Variants in LRRTM4 observed in about 807,000 individuals in gnomAD.
The protein encoded by LRRTM4 is leucine rich repeat transmembrane neuronal 4.
In LRRTM4, 25 loss-of-function variants were observed where a neutral mutation model predicts 47.6. The observed-to-expected ratio is 0.53, with a 90% CI of 0.38 to 0.73. LRRTM4 has a LOEUF of 0.73. LRRTM4 is among the 30% of genes least tolerant of loss of function. LRRTM4 has a pLI of 0.00. For synonymous variants in LRRTM4, 311 were observed against 269.5 expected (o/e 1.15, Z -1.51); for missense variants, 638 against 713.4 (o/e 0.89, Z 1.20).
At chr2:77,470,145 C>A (rs1434135013) in intron 3 of LRRTM4, among the ~76,000 whole-genome samples, 1 of 152,100 alleles carries the variant, frequency 6.6e-6, no homozygotes, top group African/African-American at 2.4e-5. Context: ...GTAGGGAAAA[C>A]CACTTCAAAA....
At chr2:76,781,910 C>G (rs1343522368) in intron 3 of LRRTM4, among the ~76,000 whole-genome samples, 2 of 152,116 alleles carry the variant, frequency 1.3e-5, no homozygotes, top group African/African-American at 4.8e-5. Context: ...CATCTGCTGC[C>G]TCTTGATCAT....
chr2:76,854,917 C>T (rs1160475232), intron 3 of LRRTM4, among the ~76,000 whole-genome samples: 1 of 148,758 alleles, frequency 6.7e-6, no homozygotes, highest in Non-Finnish European at 1.5e-5. Context: ...AGTTGATAGC[C>T]TCATTAAAAA....
At chr2:77,424,503 C>A (rs1410809952) in intron 3 of LRRTM4, among the ~76,000 whole-genome samples, 1 of 152,112 alleles carries the variant, frequency 6.6e-6, no homozygotes, top group Non-Finnish European at 1.5e-5. Flanking sequence ...CATGAAGTAT[C>A]ATCATTCTGC....
chr2:76,866,541 G>A (rs550674329), intron 3 of LRRTM4, among the ~76,000 whole-genome samples: 1 of 151,546 alleles, frequency 6.6e-6, no homozygotes, highest in Non-Finnish European at 1.5e-5. Context: ...CCTTACAAAA[G>A]GTAAAACTTT....
intron 3 of LRRTM4, among the ~76,000 whole-genome samples, chr2:77,225,479 A>C (rs878893105): frequency 6.6e-6 from 1 of 151,884 alleles, no homozygotes; most frequent in Non-Finnish European, 1.5e-5. Context: ...CCAGCACTCA[A>C]AATGTGTACA....
At chr2:77,294,276 ACT>A (rs1676909824) in intron 3 of LRRTM4, among the ~76,000 whole-genome samples, 1 of 145,634 alleles carries the variant, frequency 6.9e-6, no homozygotes, top group Admixed American at 6.7e-5. Context: ...GAGGAAAATG[ACT>A]CTGGAACATT....
intron 3 of LRRTM4, among the ~76,000 whole-genome samples, chr2:77,312,439 G>C (rs753089043): frequency 6.6e-6 from 1 of 151,980 alleles, no homozygotes. Flanking sequence ...AGATCAGTAG[G>C]CTTGGCTTCA....
chr2:77,207,943 A>G (rs1248493836), intron 3 of LRRTM4, among the ~76,000 whole-genome samples: 1 of 116,612 alleles, frequency 8.6e-6, no homozygotes, highest in Admixed American at 1.3e-4. Context: ...CAATGCTGTT[A>G]TCTTGGCTCC....
intron 3 of LRRTM4, among the ~76,000 whole-genome samples, chr2:76,773,806 A>AT (rs541171793): frequency 0.05 from 7,369 of 147,524 alleles, 240 homozygotes; most frequent in Non-Finnish European, 0.077. Context: ...AGTTTTTGGC[A>AT]TTTTTTTTTT....
intron 3 of LRRTM4, among the ~76,000 whole-genome samples, chr2:76,987,223 T>C (rs1299227347): frequency 1.3e-5 from 2 of 151,934 alleles, no homozygotes; most frequent in Admixed American, 1.3e-4. Context: ...AACCAAAGGT[T>C]GTATAACATC....
At chr2:77,045,458 A>G (rs1271189705) in intron 3 of LRRTM4, among the ~76,000 whole-genome samples, 2 of 151,926 alleles carry the variant, frequency 1.3e-5, no homozygotes, top group African/African-American at 4.8e-5. Context: ...TTTTATGCCT[A>G]AAACAAAATT....
At chr2:77,360,527 G>GATACGATACA (rs1244751477) in intron 3 of LRRTM4, among the ~76,000 whole-genome samples, 1 of 110,138 alleles carries the variant, frequency 9.1e-6, no homozygotes, top group Non-Finnish European at 2.0e-5. Context: ...GATACGATAC[G>GATACGATACA]ATACGATACA....
chr2:77,095,304 A>C lies in LRRTM4; in HGVS notation c.1552-346388T>G, dbSNP rs11126587. ...GAGGAACCTCTGTATCTTCTCGTTG[A>C]GAATGTAAATTAGTACAGCCATTGT... On this transcript the variant is annotated intron_variant, in intron 3 of 3. Transcript: ENST00000409884. 7.7e-3 allele frequency among the ~76,000 whole-genome samples: 1,176 copies of C among 152,204 alleles called. 18 individuals carry two copies. Among genetic ancestry groups the C allele is most frequent in the South Asian group, 0.049 (236 of 4,818 alleles).
chr2:76,836,313 A>G (rs1671511186), intron 3 of LRRTM4, among the ~76,000 whole-genome samples: 1 of 152,004 alleles, frequency 6.6e-6, no homozygotes, highest in African/African-American at 2.4e-5. Flanking sequence ...GACCTAATCA[A>G]GTTTTTTTTA....
intron 3 of LRRTM4, among the ~76,000 whole-genome samples, chr2:77,243,445 G>T (rs1393953543): frequency 1.4e-5 from 2 of 145,320 alleles, no homozygotes; most frequent in Non-Finnish European, 3.0e-5. Flanking sequence ...AAAAAAAAAA[G>T]ATAAATACTA....
At chr2:76,796,862 G>A (rs913560229) in intron 3 of LRRTM4, among the ~76,000 whole-genome samples, 1 of 152,038 alleles carries the variant, frequency 6.6e-6, no homozygotes, top group African/African-American at 2.4e-5. Flanking sequence ...TCAACTGGAA[G>A]AAAGGGTATC....
intron 3 of LRRTM4, among the ~76,000 whole-genome samples, chr2:77,315,890 A>G (rs1184718452): frequency 2.0e-5 from 3 of 152,162 alleles, no homozygotes; most frequent in Non-Finnish European, 4.4e-5. Context: ...CAATTTGTCA[A>G]ACTACCTCCT....
intron 3 of LRRTM4, among the ~76,000 whole-genome samples, chr2:77,052,260 C>G (rs1387082871): frequency 6.7e-6 from 1 of 150,162 alleles, no homozygotes; most frequent in Non-Finnish European, 1.5e-5. Context: ...CCTCCGGCTC[C>G]CAGATTCAAG....
intron 3 of LRRTM4, among the ~76,000 whole-genome samples, chr2:76,913,998 T>G (rs887533085): frequency 6.6e-6 from 1 of 151,870 alleles, no homozygotes; most frequent in Non-Finnish European, 1.5e-5. Flanking sequence ...AAAAGTATAA[T>G]GTACAATTAA....
Sources: allele counts gnomAD v4.1 joint callset (sites outside exome capture counted in the v4.1 genomes callset), GRCh38; gene constraint gnomAD v4.1.1; transcripts MANE v1.5; gene names NCBI Gene and HGNC (gene_info 2026-07-23, HGNC 2026-07-21).